MTA1: variants seen among roughly 807,000 people sequenced by gnomAD.
MTA1 encodes the protein metastasis-associated protein MTA1.
In MTA1, 15 loss-of-function variants were observed where a neutral mutation model predicts 97.0. The observed-to-expected ratio is 0.15, with a 90% CI of 0.10 to 0.24. MTA1 has a LOEUF of 0.24. Ranked by LOEUF, MTA1 falls within the 10% of genes least tolerant of loss-of-function variation. MTA1 has a pLI of 1.00. For synonymous variants in MTA1, 435 were observed against 417.5 expected, an observed-to-expected ratio of 1.04 and a Z score of -0.51; for missense variants, 709 against 1,015.1, an observed-to-expected ratio of 0.70 and a Z score of 4.10.
chr14:105,463,178 A>C lies in MTA1; in HGVS notation c.943-6A>C. The C allele has an allele frequency of 6.2e-7, 1 of 1,609,606 alleles. No individual in the cohort carries two copies. Among genetic ancestry groups the C allele is most frequent in the South Asian group, 1.1e-5 (1 of 90,960 alleles). On this transcript the variant is annotated splice_region_variant and splice_polypyrimidine_tract_variant and intron_variant, in intron 10 of 20. Coordinates refer to ENST00000331320, the MANE Select transcript of MTA1 (RefSeq NM_004689.4). The surrounding 1 kb of genome is among the most constrained non-coding windows in gnomAD (Gnocchi z 5.9). Reference sequence around the variant, plus strand: ...CTGCTTGTGTGACACGCCTCCTCCCACCCAGCTCCCGTGGAAGTCGCTGAC... The same window carrying C: ...CTGCTTGTGTGACACGCCTCCTCCCCCCCAGCTCCCGTGGAAGTCGCTGAC...
At chr14:105,469,681 C>T (rs925344701) in intron 19 of MTA1, 160 bp from the exon 20 acceptor site, 20 of 1,242,636 alleles carry the variant, frequency 1.6e-5, no homozygotes, top group Admixed American at 1.4e-4. Flanking sequence ...GGTGTGCGGC[C>T]GACCAGCCCT....
At chr14:105,429,745 G>A (rs1206578977) in intron 1 of MTA1, among the ~76,000 whole-genome samples, 8 of 130,594 alleles carry the variant, frequency 6.1e-5, no homozygotes, top group Non-Finnish European at 9.3e-5. Context: ...GAGCCACTGC[G>A]CCCGGCCTTT....
chr14:105,437,702 T>A (rs1299621858), intron 1 of MTA1, among the ~76,000 whole-genome samples: 1 of 152,222 alleles, frequency 6.6e-6, no homozygotes, highest in Non-Finnish European at 1.5e-5. Flanking sequence ...CTGGGCTGAT[T>A]CCAGCTGAGA....
intron 1 of MTA1, among the ~76,000 whole-genome samples, chr14:105,432,553 G>A (rs1300914693): frequency 1.3e-5 from 2 of 152,152 alleles, no homozygotes; most frequent in Non-Finnish European, 2.9e-5. Context: ...TTTTGAAAAA[G>A]CGCCGAAATT....
At chr14:105,457,087 C>T (rs1263941119) in intron 7 of MTA1, among the ~76,000 whole-genome samples, 28 of 152,212 alleles carry the variant, frequency 1.8e-4, no homozygotes, top group Admixed American at 1.8e-3. Flanking sequence ...CCCCGCACTC[C>T]GTGGTCCTTG....
chr14:105,422,103 G>T lies in MTA1; in HGVS notation c.28+2040G>T, dbSNP rs1426353012. ...GTCCGTGGTCACTGTGGCCGGGTGT[G>T]CTCGGAGCTGTCAGGCCCCCCACGT... On this transcript the variant is annotated intron_variant, in intron 1 of 20. Coordinates refer to ENST00000331320, the MANE Select transcript of MTA1 (RefSeq NM_004689.4). The surrounding 1 kb of genome is among the most constrained non-coding windows in gnomAD (Gnocchi z 4.3). Among the ~76,000 whole-genome samples, 1 of 152,214 alleles carries T rather than the reference G, an allele frequency of 6.6e-6. No homozygotes were observed. The highest frequency in any genetic ancestry group is 1.5e-5 in the Non-Finnish European group (1 of 68,034).
At position 105,463,175 on chromosome 14, in the gene MTA1, C is replaced by T; in HGVS notation, c.943-9C>T. The T allele has an allele frequency of 3.1e-6, 5 of 1,611,176 alleles. No homozygotes were observed. On this transcript the variant is annotated splice_polypyrimidine_tract_variant and intron_variant, in intron 10 of 20. Coordinates refer to ENST00000331320, the MANE Select transcript of MTA1 (RefSeq NM_004689.4). The surrounding 1 kb of genome is among the most constrained non-coding windows in gnomAD (Gnocchi z 5.9). Reference sequence around the variant, plus strand: ...TTCCTGCTTGTGTGACACGCCTCCTCCCACCCAGCTCCCGTGGAAGTCGCT... The same window carrying T: ...TTCCTGCTTGTGTGACACGCCTCCTTCCACCCAGCTCCCGTGGAAGTCGCT...
intron 1 of MTA1, among the ~76,000 whole-genome samples, chr14:105,434,176 A>G (rs2082262076): frequency 6.6e-6 from 1 of 152,216 alleles, no homozygotes; most frequent in African/African-American, 2.4e-5. Flanking sequence ...GTCCCTATGT[A>G]ATATCCTTGG....
At position 105,439,581 on chromosome 14, in the gene MTA1, G is replaced by A. The variant is rs139494515; in HGVS notation, c.96+842G>A. The stretch of plus-strand genomic sequence containing the variant: ...AGGGGTGGTGGGTGGGTCCCCCAGC[G>A]TCCCTTCTCCTCCTCCTGGTTGGAG... On this transcript the variant is annotated intron_variant, in intron 2 of 20. Coordinates refer to ENST00000331320, the MANE Select transcript of MTA1 (RefSeq NM_004689.4). Among the ~76,000 whole-genome samples, 564 of 152,304 alleles carry A rather than the reference G, an allele frequency of 3.7e-3. 6 individuals are homozygous for A. The highest frequency in any genetic ancestry group is 0.014 in the East Asian group (70 of 5,178).
At chr14:105,449,658 A>G (rs1467643702) in intron 4 of MTA1, among the ~76,000 whole-genome samples, 4 of 152,088 alleles carry the variant, frequency 2.6e-5, no homozygotes, top group Non-Finnish European at 5.9e-5. Context: ...TCTGGCCACG[A>G]GATGGGGACG....
chr14:105,428,208 G>T (rs1355469800), intron 1 of MTA1, among the ~76,000 whole-genome samples: 1 of 152,028 alleles, frequency 6.6e-6, no homozygotes, highest in Non-Finnish European at 1.5e-5. Context: ...CAGCAACACT[G>T]ACCTATTTTC....
rs1395960890 is a variant in MTA1, at chr14:105,449,300, G to A, written c.191-59G>A. ...AGCCCTCGGTCCGGGCCCTGGGCAG[G>A]GAGCAGGCCGCCACCCTGTGCTGAC... On this transcript the variant is annotated intron_variant, in intron 3 of 20. Coordinates refer to ENST00000331320, the MANE Select transcript of MTA1 (RefSeq NM_004689.4). 15 of 1,560,212 alleles carry A rather than the reference G, an allele frequency of 9.6e-6. No individual in the cohort carries two copies. The Admixed American group carries it at 2.6e-4, about 27-fold the overall frequency.
At chr14:105,465,957 C>CTCTTATACACAT in intron 16 of MTA1, 1 of 194,134 alleles carries the variant, frequency 5.2e-6, no homozygotes, top group Non-Finnish European at 1.1e-5. Flanking sequence ...TGGCCCCTGT[C>CTCTTATACACAT]CTGTGGGAAG....
At position 105,463,687 on chromosome 14, in the gene MTA1, C is replaced by T. The variant is rs782030067; in HGVS notation, c.1076+136C>T. Reference sequence around the variant, plus strand: ...AAAGTTGGGGCAGCCCCCGGGAGGGCGGCCCAGGGCTGGGGGGTTCTGGCT... The same window carrying T: ...AAAGTTGGGGCAGCCCCCGGGAGGGTGGCCCAGGGCTGGGGGGTTCTGGCT... On this transcript the variant is annotated intron_variant, in intron 12 of 20. Transcript: ENST00000331320. This position sits in a 1 kb window ranked among gnomAD's most constrained non-coding sequence, Gnocchi z 5.9. The T allele has an allele frequency of 6.7e-5, 56 of 833,230 alleles. No individual in the cohort carries two copies. Among genetic ancestry groups the T allele is most frequent in the Non-Finnish European group, 7.9e-5 (41 of 520,740 alleles). The allele number at this position is 833,230 out of a possible 1,614,324, so 51.6% of individuals were successfully genotyped here. A position where few individuals can be genotyped will look rare whatever the true frequency, so the allele number is the denominator to read the frequency against.
chr14:105,468,998 G>C, intron 18 of MTA1: 1 of 349,824 alleles, frequency 2.9e-6, no homozygotes, highest in Non-Finnish European at 5.7e-6. Flanking sequence ...GCAGTGGGTG[G>C]TGACCTGTTT....
At chr14:105,447,827 C>T (rs587654302) in intron 3 of MTA1, among the ~76,000 whole-genome samples, 3 of 152,328 alleles carry the variant, frequency 2.0e-5, no homozygotes, top group Middle Eastern at 3.4e-3. Flanking sequence ...CCACACCCCC[C>T]GGGGTTGTGT....
In MTA1 at chr14:105,463,388, TGTCCTCTCCGTG is replaced by T; in HGVS notation, c.1018-102_1018-91del. 2 of 1,503,964 alleles carry T rather than the reference TGTCCTCTCCGTG, an allele frequency of 1.3e-6. No homozygotes were observed. The highest frequency in any genetic ancestry group is 2.3e-5 in the South Asian group (2 of 88,198). The allele number at this position is 1,503,964 out of a possible 1,614,324, so 93.2% of individuals were successfully genotyped here. ...AAGACTCCTGAGTCCCTGGCCCGGC[TGTCCTCTCCGTG>T]GTGCTCTCCTCTCCGTAGCCTCCAG... On this transcript the variant is annotated intron_variant, in intron 11 of 20. Transcript: ENST00000331320. This position sits in a 1 kb window ranked among gnomAD's most constrained non-coding sequence, Gnocchi z 5.9.
intron 16 of MTA1, chr14:105,465,472 G>A: frequency 3.6e-6 from 1 of 277,904 alleles, no homozygotes; most frequent in Non-Finnish European, 6.7e-6. Flanking sequence ...GGGCTTCCCT[G>A]CCAGTCTCGC....
chr14:105,437,827 G>A (rs113120847), intron 1 of MTA1, among the ~76,000 whole-genome samples: 84 of 152,298 alleles, frequency 5.5e-4, no homozygotes, highest in Middle Eastern at 3.4e-3. Flanking sequence ...GAGCCCCTGC[G>A]GTGGCCCCAG....
Sources: allele counts gnomAD v4.1 joint callset (sites outside exome capture counted in the v4.1 genomes callset), GRCh38; gene constraint gnomAD v4.1.1; non-coding constraint Gnocchi (gnomAD v3.1); transcripts MANE v1.5; gene names NCBI Gene and HGNC (gene_info 2026-07-23, HGNC 2026-07-21).